KCNJ16: variants seen among roughly 807,000 people sequenced by gnomAD.
The protein encoded by KCNJ16 is potassium inwardly rectifying channel subfamily J member 16, also known as inward rectifier potassium channel 16.
A neutral mutation model predicts 18.5 loss-of-function variants in KCNJ16; 15 were observed. That is an observed-to-expected ratio of 0.81 (90% CI 0.54 to 1.25). The LOEUF (loss-of-function observed/expected upper bound fraction) is 1.25, where lower values mean the gene tolerates loss of function less well. Among genes scored for constraint, KCNJ16 ranks in the 50% most tolerant of loss-of-function variants. The pLI, the probability that KCNJ16 is intolerant of heterozygous loss-of-function variation, is 0.00. For synonymous variants in KCNJ16, 174 were observed against 186.5 expected, an observed-to-expected ratio of 0.93 and a Z score of 0.55; for missense variants, 523 against 525.7, an observed-to-expected ratio of 0.99 and a Z score of 0.05.
intron 1 of KCNJ16, among the ~76,000 whole-genome samples, chr17:70,083,868 G>A (rs79967463): frequency 0.043 from 6,551 of 152,170 alleles, 122 homozygotes; most frequent in Middle Eastern, 0.058. Context: ...TGAAGTGGAG[G>A]AAGATAGAAT....
chr17:70,088,378 C>G (rs940805733), intron 1 of KCNJ16, among the ~76,000 whole-genome samples: 4 of 152,190 alleles, frequency 2.6e-5, no homozygotes, highest in African/African-American at 9.7e-5. Context: ...ATCCAGCAGG[C>G]GGAGGAGCTC....
intron 1 of KCNJ16, among the ~76,000 whole-genome samples, chr17:70,088,354 T>C (rs753499963): frequency 2.6e-5 from 4 of 152,230 alleles, no homozygotes; most frequent in South Asian, 2.1e-4. Flanking sequence ...TATGAGACTC[T>C]AATGCTGCCG....
intron 1 of KCNJ16, among the ~76,000 whole-genome samples, chr17:70,078,878 C>T (rs1009323098): frequency 5.9e-5 from 9 of 152,154 alleles, no homozygotes; most frequent in African/African-American, 1.7e-4. Context: ...TATTGTCCTG[C>T]GTGTGCTTGT....
intron 2 of KCNJ16, among the ~76,000 whole-genome samples, chr17:70,126,908 A>C (rs1203986062): frequency 6.6e-6 from 1 of 152,166 alleles, no homozygotes; most frequent in Admixed American, 6.5e-5. Context: ...AGGATTTATA[A>C]TCAGATGTAG....
intron 2 of KCNJ16, among the ~76,000 whole-genome samples, chr17:70,114,458 C>T (rs2073320895): frequency 1.3e-5 from 2 of 152,080 alleles, no homozygotes; most frequent in South Asian, 2.1e-4. Flanking sequence ...ATATGCCTTC[C>T]ACAAATTACA....
At chr17:70,077,595 T>C (rs2071368476) in intron 1 of KCNJ16, among the ~76,000 whole-genome samples, 1 of 151,974 alleles carries the variant, frequency 6.6e-6, no homozygotes, top group Non-Finnish European at 1.5e-5. Flanking sequence ...AATTAAGAAA[T>C]CTAAGTAAAA....
At chr17:70,092,457 T>G (rs747968155) in intron 1 of KCNJ16, among the ~76,000 whole-genome samples, 1 of 151,952 alleles carries the variant, frequency 6.6e-6, no homozygotes, top group Non-Finnish European at 1.5e-5. Context: ...TAGTCCATTG[T>G]ATTAGTCAAG....
intron 2 of KCNJ16, among the ~76,000 whole-genome samples, chr17:70,127,530 T>TCTCTGCTC (rs1322953339): frequency 7.9e-5 from 12 of 152,094 alleles, no homozygotes; most frequent in African/African-American, 2.7e-4. Context: ...TACCTCTCTC[T>TCTCTGCTC]CTCTGCTCCT....
At chr17:70,076,780 G>A (rs1477210329) in intron 1 of KCNJ16, among the ~76,000 whole-genome samples, 2 of 152,026 alleles carry the variant, frequency 1.3e-5, no homozygotes, top group Admixed American at 1.3e-4. Flanking sequence ...ATTAGAAATG[G>A]AAAAAAAGTA....
intron 2 of KCNJ16, among the ~76,000 whole-genome samples, chr17:70,121,299 A>C (rs1013176194): frequency 6.6e-6 from 1 of 152,178 alleles, no homozygotes; most frequent in Non-Finnish European, 1.5e-5. Context: ...TTGGGGTGGC[A>C]TTTCCTGAAC....
chr17:70,096,749 A>C (rs941567195), intron 1 of KCNJ16: 1 of 383,004 alleles, frequency 2.6e-6, no homozygotes. Flanking sequence ...TTGAGAATCA[A>C]GCATCTCAGA....
At chr17:70,098,624 T>A (rs575947336) in intron 1 of KCNJ16, among the ~76,000 whole-genome samples, 3 of 152,206 alleles carry the variant, frequency 2.0e-5, no homozygotes, top group Admixed American at 1.3e-4. Context: ...AATTATAATG[T>A]ACACTGATAT....
intron 2 of KCNJ16, chr17:70,101,788 T>C (rs926769627): frequency 2.2e-5 from 1 of 44,714 alleles, no homozygotes; most frequent in Admixed American, 2.1e-4. Flanking sequence ...TCCATTTTTT[T>C]AAAGATTTAA....
intron 2 of KCNJ16, among the ~76,000 whole-genome samples, chr17:70,102,605 A>C (rs1319354052): frequency 1.3e-5 from 2 of 152,276 alleles, no homozygotes; most frequent in East Asian, 3.9e-4. Context: ...AGTTGGCAAA[A>C]TCTTATGTGA....
intron 1 of KCNJ16, among the ~76,000 whole-genome samples, chr17:70,081,465 A>C (rs973567049): frequency 7.9e-5 from 12 of 152,188 alleles, no homozygotes; most frequent in Admixed American, 7.9e-4. Flanking sequence ...GAACAAAGCA[A>C]ATCACAGACA....
intron 2 of KCNJ16, among the ~76,000 whole-genome samples, chr17:70,113,036 A>C (rs2073252959): frequency 6.6e-6 from 1 of 152,156 alleles, no homozygotes; most frequent in African/African-American, 2.4e-5. Flanking sequence ...TTCTCATCTG[A>C]TAGCTTGATT....
At chr17:70,114,943 G>C (rs1172477987) in intron 2 of KCNJ16, among the ~76,000 whole-genome samples, 1 of 152,098 alleles carries the variant, frequency 6.6e-6, no homozygotes, top group African/African-American at 2.4e-5. Flanking sequence ...AGTATGAAAG[G>C]AGGTTTAGAA....
rs774818658 is a variant in KCNJ16, at chr17:70,132,413, C to T, written c.326C>T (p.Thr109Ile). The change falls in exon 4 of 4, where the codon ACA (threonine) becomes ATA (isoleucine). Residue 109 changes from threonine (T) to isoleucine (I), a missense_variant. Transcript: ENST00000392671. ...GATCTATTAAATGATCCAGACATCA[C>T]ACCTTGTGTTGACAACGTCCATTCT... is the stretch of plus-strand genomic sequence containing the variant. ...HGDLLNDPDI[T>I]PCVDNVHSFT... 6.2e-6 allele frequency: 10 copies of T among 1,614,042 alleles called. No homozygotes were observed. Among genetic ancestry groups the T allele is most frequent in the Admixed American group, 1.7e-5 (1 of 60,008 alleles).
intron 2 of KCNJ16, among the ~76,000 whole-genome samples, chr17:70,120,950 ACC>A (rs1193940344): frequency 6.6e-6 from 1 of 152,008 alleles, no homozygotes; most frequent in African/African-American, 2.4e-5. Flanking sequence ...AAAGCTTATT[ACC>A]CCCTCTTTAT....
Sources: allele counts gnomAD v4.1 joint callset (sites outside exome capture counted in the v4.1 genomes callset), GRCh38; gene constraint gnomAD v4.1.1; transcripts MANE v1.5; gene names NCBI Gene and HGNC (gene_info 2026-07-23, HGNC 2026-07-21).